OSBPL8: variants seen among roughly 807,000 people sequenced by gnomAD.
The protein encoded by OSBPL8 is oxysterol binding protein like 8.
Under a neutral mutation model 125.5 loss-of-function variants are expected in OSBPL8, and 59 were observed. That is an observed-to-expected ratio of 0.47 (90% CI 0.38 to 0.58). The LOEUF is 0.58. Among genes scored for constraint, OSBPL8 ranks in the 20% least tolerant of loss-of-function variants. The pLI is 0.00. For missense variants in OSBPL8, 758 were observed against 1,047.8 expected, an observed-to-expected ratio of 0.72 and a Z score of 3.82; for synonymous variants, 330 against 338.9, an observed-to-expected ratio of 0.97 and a Z score of 0.29.
At chr12:76,467,075 CTTCCT>C (rs1875536739) in intron 2 of OSBPL8, among the ~76,000 whole-genome samples, 2 of 152,000 alleles carry the variant, frequency 1.3e-5, no homozygotes, top group South Asian at 4.1e-4. Flanking sequence ...ACTTTATATC[CTTCCT>C]TTATGTATTT....
intron 1 of OSBPL8, among the ~76,000 whole-genome samples, chr12:76,553,550 G>A (rs550315166): frequency 1.6e-4 from 24 of 151,372 alleles, no homozygotes; most frequent in Non-Finnish European, 2.9e-4. Context: ...GTATTCGCCT[G>A]TAGTCCCAGC....
chr12:76,506,038 T>C (rs1251339398), intron 1 of OSBPL8, among the ~76,000 whole-genome samples: 1 of 152,140 alleles, frequency 6.6e-6, no homozygotes, highest in Admixed American at 6.6e-5. Flanking sequence ...GGAACCGTAG[T>C]AGGAGATGTG....
At chr12:76,461,526 C>T (rs1874733160) in intron 2 of OSBPL8, among the ~76,000 whole-genome samples, 1 of 151,828 alleles carries the variant, frequency 6.6e-6, no homozygotes, top group Non-Finnish European at 1.5e-5. Flanking sequence ...TCTCGGCTCA[C>T]TGCAATCTCC....
intron 11 of OSBPL8, 102 bp from the exon 12 acceptor site, chr12:76,389,931 T>A: frequency 1.2e-6 from 1 of 843,082 alleles, no homozygotes. Flanking sequence ...TCAGGACTAC[T>A]CCAAGCATTC....
chr12:76,559,062 G>C (rs1951193849), intron 1 of OSBPL8, among the ~76,000 whole-genome samples: 1 of 152,158 alleles, frequency 6.6e-6, no homozygotes, highest in Non-Finnish European at 1.5e-5. Flanking sequence ...TGGGCGCGGG[G>C]GCTCCCAACG....
At chr12:76,392,960 T>C (rs1331876814) in intron 9 of OSBPL8, among the ~76,000 whole-genome samples, 1 of 152,232 alleles carries the variant, frequency 6.6e-6, no homozygotes, top group Non-Finnish European at 1.5e-5. Flanking sequence ...ATGAATAGTA[T>C]ACAGCATGCA....
At chr12:76,466,885 G>T (rs184971321) in intron 2 of OSBPL8, among the ~76,000 whole-genome samples, 20 of 151,992 alleles carry the variant, frequency 1.3e-4, no homozygotes, top group African/African-American at 4.6e-4. Context: ...GCTTGAACCC[G>T]GGGGCGGGGG....
intron 1 of OSBPL8, 25 bp from the exon 2 acceptor site, chr12:76,487,643 T>C: frequency 2.0e-6 from 2 of 1,006,374 alleles, no homozygotes; most frequent in Non-Finnish European, 2.8e-6. Context: ...TGATATTTAT[T>C]AGGACTGGTA....
intron 4 of OSBPL8, among the ~76,000 whole-genome samples, chr12:76,434,708 T>C (rs1221805357): frequency 6.6e-6 from 1 of 152,098 alleles, no homozygotes; most frequent in African/African-American, 2.4e-5. Context: ...GCAAGAGACC[T>C]GAACAGGCAT....
intron 1 of OSBPL8, among the ~76,000 whole-genome samples, chr12:76,530,899 C>T (rs998645901): frequency 4.9e-4 from 74 of 152,306 alleles, no homozygotes; most frequent in Admixed American, 4.7e-3. Flanking sequence ...CTTCCAGAAA[C>T]AACATAAGTT....
chr12:76,531,539 T>C (rs1950338638), intron 1 of OSBPL8, among the ~76,000 whole-genome samples: 2 of 152,172 alleles, frequency 1.3e-5, no homozygotes, highest in African/African-American at 2.4e-5. Context: ...ATTAATAAGA[T>C]GTATCAAACT....
At chr12:76,483,660 CTTT>C (rs869202382) in intron 2 of OSBPL8, among the ~76,000 whole-genome samples, 195 of 57,310 alleles carry the variant, frequency 3.4e-3, no homozygotes, top group African/African-American at 0.014. Context: ...CTGTAATAGT[CTTT>C]TTTTTTTTTT....
At chr12:76,519,322 C>G (rs1176973324) in intron 1 of OSBPL8, among the ~76,000 whole-genome samples, 1 of 152,200 alleles carries the variant, frequency 6.6e-6, no homozygotes, top group Non-Finnish European at 1.5e-5. Flanking sequence ...CAGTCCCCAA[C>G]AAGTTCCTCA....
intron 1 of OSBPL8, among the ~76,000 whole-genome samples, chr12:76,508,367 T>A (rs1031157583): frequency 2.0e-5 from 3 of 152,198 alleles, no homozygotes; most frequent in African/African-American, 7.2e-5. Flanking sequence ...AAGAACAGAC[T>A]GCATGTATGG....
intron 1 of OSBPL8, among the ~76,000 whole-genome samples, chr12:76,518,429 T>C (rs1881761147): frequency 6.6e-6 from 1 of 152,164 alleles, no homozygotes; most frequent in Non-Finnish European, 1.5e-5. Flanking sequence ...TGCCTGCAGC[T>C]TTTCCAGGCT....
rs1951834586 is a variant in OSBPL8 at position 76,351,831 on chromosome 12, C to A, written c.*4058G>T. On this transcript the variant is annotated 3_prime_UTR_variant, in exon 24 of 24. Transcript: ENST00000261183. The stretch of plus-strand genomic sequence containing the variant: ...TTTAAAAATTTTATTTAGAAGCCTA[C>A]TTGTAGAAGTTAGCATAATTTTACA... 1 of 152,196 alleles carries A rather than the reference C, an allele frequency of 6.6e-6. No individual in the cohort carries two copies. Among genetic ancestry groups the A allele is most frequent in the Non-Finnish European group, 1.5e-5 (1 of 68,038 alleles). The allele number at this position is 152,196 out of a possible 1,614,324, so 9.4% of individuals were successfully genotyped here. A position where few individuals can be genotyped will look rare whatever the true frequency, so the allele number is the denominator to read the frequency against.
chr12:76,423,518 A>T (rs565646931), intron 4 of OSBPL8, among the ~76,000 whole-genome samples: 1 of 152,214 alleles, frequency 6.6e-6, no homozygotes, highest in Non-Finnish European at 1.5e-5. Flanking sequence ...TTTCCTGCTT[A>T]AAAAAAATTT....
chr12:76,361,563 G>T (rs2136144105), intron 21 of OSBPL8, among the ~76,000 whole-genome samples: 1 of 152,224 alleles, frequency 6.6e-6, no homozygotes, highest in Middle Eastern at 3.4e-3. Flanking sequence ...TACTATATTA[G>T]TCCATATTTA....
At position 76,410,644 on chromosome 12, in the gene OSBPL8, A is replaced by T; in HGVS notation, c.218-10T>A. The T allele has an allele frequency of 1.3e-6, 2 of 1,548,582 alleles. No individual in the cohort carries two copies. The highest frequency in any genetic ancestry group is 1.1e-5 in the South Asian group (1 of 89,480). ...TTCCCTCTTTCAAAACCTTAAAAAA[A>T]TAGTCAGCATATCAGTATTACTACT... On this transcript the variant is annotated splice_polypyrimidine_tract_variant and intron_variant, in intron 4 of 23. Transcript: ENST00000261183.
Sources: gnomAD v4.1 joint callset for allele counts (sites outside exome capture counted in the v4.1 genomes callset) on GRCh38, gnomAD v4.1.1 for gene constraint, MANE v1.5 for transcripts, NCBI Gene and HGNC (gene_info 2026-07-23, HGNC 2026-07-21) for gene names.